Variants in ZDHHC3 observed in about 807,000 individuals in gnomAD.
The protein encoded by ZDHHC3 is palmitoyltransferase ZDHHC3.
A neutral mutation model predicts 30.6 loss-of-function variants in ZDHHC3; 9 were observed. That is an observed-to-expected ratio of 0.29 (90% CI 0.18 to 0.51). ZDHHC3 has a LOEUF of 0.51. ZDHHC3 is among the 20% of genes least tolerant of loss of function. ZDHHC3 has a pLI of 0.97. For missense variants in ZDHHC3, 246 were observed against 384.2 expected (o/e 0.64, Z 3.01); for synonymous variants, 136 against 140.2 (o/e 0.97, Z 0.21).
intron 1 of ZDHHC3, among the ~76,000 whole-genome samples, chr3:44,967,726 T>C (rs1705075811): frequency 6.6e-6 from 1 of 152,056 alleles, no homozygotes; most frequent in Non-Finnish European, 1.5e-5. Flanking sequence ...AGTAACTGGT[T>C]AAAAAAAATC....
In ZDHHC3 at chr3:44,926,223, G is replaced by T; in HGVS notation, c.*466C>A. The T allele has an allele frequency of 1.0e-6, 1 of 986,236 alleles. No homozygotes were observed. The highest frequency in any genetic ancestry group is 4.7e-5 in the South Asian group (1 of 21,308). 61.1% of individuals were successfully genotyped at this position (986,236 alleles called of 1,614,324 possible). A position where few individuals can be genotyped will look rare whatever the true frequency, so the allele number is the denominator to read the frequency against. On this transcript the variant is annotated 3_prime_UTR_variant, in exon 7 of 7. Transcript: ENST00000424952. ...CTCAAGGGGTAAGCATCCATCTTCG[G>T]TGAGGTTTTATGTCCCATCGGGGAG...
In ZDHHC3 at chr3:44,955,057, T is replaced by C. The variant is rs144440195; in HGVS notation, c.306+4074A>G. Among the ~76,000 whole-genome samples, 116 of 152,092 alleles carry C rather than the reference T, an allele frequency of 7.6e-4. 1 individual carries two copies. The Middle Eastern group carries it at 0.01, about 13-fold the overall frequency. On this transcript the variant is annotated intron_variant, in intron 2 of 6. Transcript: ENST00000424952. ...ATAATGACATTACACAACCTCAGAG[T>C]GGGCAAGGAGAAGGCGTCAGGAGAC...
intron 2 of ZDHHC3, among the ~76,000 whole-genome samples, chr3:44,955,266 C>T (rs372948752): frequency 2.2e-4 from 34 of 152,280 alleles, no homozygotes; most frequent in African/African-American, 7.7e-4. Context: ...GTTTACAAAT[C>T]TGTGAGTCAT....
At chr3:44,946,986 G>C (rs943748832) in intron 2 of ZDHHC3, among the ~76,000 whole-genome samples, 2 of 152,218 alleles carry the variant, frequency 1.3e-5, no homozygotes, top group East Asian at 3.8e-4. Context: ...GAAAATTCCA[G>C]ACACCACGTA....
Position 44,923,381 on chromosome 3 carries a change from G to T in ZDHHC3, c.*3308C>A, listed in dbSNP as rs1700748665. On this transcript the variant is annotated 3_prime_UTR_variant, in exon 7 of 7. Coordinates refer to ENST00000424952, the MANE Select transcript of ZDHHC3 (RefSeq NM_001135179.2). ...GTGAGGGATGTCCACAGTGAGAAGT[G>T]TCCGCGCCCGGCTTAAAATGTTTGT... is the stretch of plus-strand genomic sequence containing the variant. The T allele has an allele frequency of 3.0e-6, 3 of 985,388 alleles. No homozygotes were observed. Among genetic ancestry groups the T allele is most frequent in the Non-Finnish European group, 3.6e-6 (3 of 829,928 alleles). 61.0% of individuals were successfully genotyped at this position (985,388 alleles called of 1,614,324 possible). A position where few individuals can be genotyped will look rare whatever the true frequency, so the allele number is the denominator to read the frequency against.
intron 3 of ZDHHC3, among the ~76,000 whole-genome samples, 180 bp from the exon 4 acceptor site, chr3:44,934,164 G>T (rs1701740833): frequency 6.6e-6 from 1 of 152,146 alleles, no homozygotes; most frequent in African/African-American, 2.4e-5. Context: ...GACCCCAGGG[G>T]TGGCAGTCAT....
intron 6 of ZDHHC3, among the ~76,000 whole-genome samples, chr3:44,928,384 C>T (rs1045417841): frequency 1.3e-5 from 2 of 152,110 alleles, no homozygotes; most frequent in East Asian, 3.9e-4. Context: ...ATGTTGTCAT[C>T]CTATGAGCCC....
chr3:44,920,012 GACATTAGA>G lies in ZDHHC3; in HGVS notation c.*6669_*6676del. 1 of 1,159,936 alleles carries G rather than the reference GACATTAGA, an allele frequency of 8.6e-7. No homozygotes were observed. Among genetic ancestry groups the G allele is most frequent in the South Asian group, 1.7e-5 (1 of 57,314 alleles). The allele number at this position is 1,159,936 out of a possible 1,614,324, so 71.9% of individuals were successfully genotyped here. ...AAGATGGTTTAATATGGTTTTACAT[GACATTAGA>G]ACATTTGTCTGAGTGGTTACTTTTG... On this transcript the variant is annotated 3_prime_UTR_variant, in exon 7 of 7. Transcript: ENST00000424952.
intron 2 of ZDHHC3, among the ~76,000 whole-genome samples, chr3:44,945,683 G>A (rs1364158828): frequency 5.3e-5 from 8 of 151,866 alleles, no homozygotes; most frequent in African/African-American, 1.7e-4. Context: ...TCAGCCTCCC[G>A]AGTAGCTTGG....
Position 44,918,713 on chromosome 3 carries a change from A to G in ZDHHC3, c.*7976T>C. 1.0e-6 allele frequency: 1 copy of G among 993,156 alleles called. No individual in the cohort carries two copies. The highest frequency in any genetic ancestry group is 1.2e-6 in the Non-Finnish European group (1 of 833,540). 61.5% of individuals were successfully genotyped at this position (993,156 alleles called of 1,614,324 possible). On this transcript the variant is annotated 3_prime_UTR_variant, in exon 7 of 7. Coordinates refer to ENST00000424952, the MANE Select transcript of ZDHHC3 (RefSeq NM_001135179.2). ...AGGCAGCCGGAGGGCACACAGGACC[A>G]CTGTGGGGAGGTAAGGCTGGGCTCA...
At chr3:44,967,892 G>A (rs1705087211) in intron 1 of ZDHHC3, among the ~76,000 whole-genome samples, 1 of 152,200 alleles carries the variant, frequency 6.6e-6, no homozygotes, top group East Asian at 1.9e-4. Context: ...CAATGGAGAT[G>A]GGCATCAACA....
chr3:44,940,033 G>A (rs969419488), intron 3 of ZDHHC3, among the ~76,000 whole-genome samples: 1 of 152,216 alleles, frequency 6.6e-6, no homozygotes, highest in Non-Finnish European at 1.5e-5. Context: ...GAAGGGTGCT[G>A]GGGCTGGAGC....
intron 2 of ZDHHC3, among the ~76,000 whole-genome samples, chr3:44,957,899 GTTT>G (rs1223740974): frequency 6.6e-6 from 1 of 152,166 alleles, no homozygotes; most frequent in Non-Finnish European, 1.5e-5. Context: ...GCAAAGCAAT[GTTT>G]TTTACTTCTA....
intron 1 of ZDHHC3, among the ~76,000 whole-genome samples, chr3:44,961,639 A>C (rs549684957): frequency 6.6e-6 from 1 of 152,344 alleles, no homozygotes; most frequent in Non-Finnish European, 1.5e-5. Context: ...TTCTAAAATT[A>C]CAAACTCTGT....
chr3:44,940,053 C>A (rs1244620787), intron 3 of ZDHHC3, among the ~76,000 whole-genome samples: 1 of 152,184 alleles, frequency 6.6e-6, no homozygotes, highest in Non-Finnish European at 1.5e-5. Flanking sequence ...CCTGGAGCAA[C>A]CAAGGACAGG....
chr3:44,929,323 T>C lies in ZDHHC3; in HGVS notation c.724A>G (p.Ile242Val). Reference protein sequence around the residue: ...SVMFGTQVHSICTDETGIEQL... With the variant: ...SVMFGTQVHSVCTDETGIEQL... ...CTGCTTACCGTCTCATCTGTGCAGA[T>C]GGAGTGCACCTGGGTCCCAAACATC... The change falls in exon 6 of 7, where the codon ATC becomes GTC. Residue 242 changes from isoleucine to valine, a missense_variant. By Grantham distance (29) the Ile-to-Val change is conservative. Coordinates refer to ENST00000424952, the MANE Select transcript of ZDHHC3 (RefSeq NM_001135179.2). 1 of 1,614,032 alleles carries C rather than the reference T, an allele frequency of 6.2e-7. No individual in the cohort carries two copies. The highest frequency in any genetic ancestry group is 8.5e-7 in the Non-Finnish European group (1 of 1,179,966).
chr3:44,930,491 A>G (rs1398637394), intron 5 of ZDHHC3, among the ~76,000 whole-genome samples: 4 of 152,042 alleles, frequency 2.6e-5, no homozygotes, highest in Non-Finnish European at 5.9e-5. Context: ...TTGCTTCCAT[A>G]CTTGTGCCTG....
Position 44,945,249 on chromosome 3 carries a change from C to G in ZDHHC3, c.350G>C (p.Ser117Thr), listed in dbSNP as rs770925291. 1 of 1,614,226 alleles carries G rather than the reference C, an allele frequency of 6.2e-7. No individual in the cohort carries two copies. Among genetic ancestry groups the G allele is most frequent in the East Asian group, 2.2e-5 (1 of 44,874 alleles). The change falls in exon 3 of 7, where the codon AGT becomes ACT. Residue 117 changes from serine (S) to threonine (T), a missense_variant. By Grantham distance (58) the Ser-to-Thr change is moderately conservative. Coordinates refer to ENST00000424952, the MANE Select transcript of ZDHHC3 (RefSeq NM_001135179.2). ...CACCTGCCCAGGCTTCAACTGTAAA[C>G]TCTCGATGAATTCTTTAGTGGCATT... ...KGNATKEFIE[S>T]LQLKPGQVVY...
chr3:44,932,847 C>A, intron 5 of ZDHHC3: 1 of 1,554,214 alleles, frequency 6.4e-7, no homozygotes. Context: ...TGCTTGGGGC[C>A]TGCATTCTCC....
Sources: gnomAD v4.1 joint callset for allele counts (sites outside exome capture counted in the v4.1 genomes callset) on GRCh38, gnomAD v4.1.1 for gene constraint, MANE v1.5 for transcripts, NCBI Gene and HGNC (gene_info 2026-07-23, HGNC 2026-07-21) for gene names.